The following SPIN1 variants were observed in gnomAD, a reference collection of about 807,000 sequenced individuals.
SPIN1 encodes spindlin 1.
A neutral mutation model predicts 26.0 loss-of-function variants in SPIN1; 3 were observed. The ratio of observed to expected loss-of-function variants is 0.12; its 90% confidence interval spans 0.05 to 0.30. The LOEUF (loss-of-function observed/expected upper bound fraction) is 0.30, where lower values mean the gene tolerates loss of function less well. Among genes scored for constraint, SPIN1 ranks in the 10% least tolerant of loss-of-function variants. The pLI, the probability that SPIN1 is intolerant of heterozygous loss-of-function variation, is 1.00. For missense variants in SPIN1, 126 were observed against 333.4 expected (o/e 0.38, Z 4.84); for synonymous variants, 101 against 116.5 (o/e 0.87, Z 0.86).
chr9:88,453,243 G>C (rs1239421762), intron 3 of SPIN1, among the ~76,000 whole-genome samples: 2 of 152,006 alleles, frequency 1.3e-5, no homozygotes, highest in Non-Finnish European at 2.9e-5. Flanking sequence ...GAACTTCTTT[G>C]AAGTATTGAG....
chr9:88,407,781 G>A (rs1048385549), intron 1 of SPIN1, among the ~76,000 whole-genome samples: 10 of 136,080 alleles, frequency 7.3e-5, no homozygotes, highest in Admixed American at 5.4e-4. Context: ...TTTTTTTTGA[G>A]ACAGAGTCTT....
At chr9:88,458,761 A>G (rs1324522287) in intron 3 of SPIN1, among the ~76,000 whole-genome samples, 4 of 152,176 alleles carry the variant, frequency 2.6e-5, no homozygotes, top group African/African-American at 7.2e-5. Context: ...TTCAAAATCT[A>G]TAGGGTAGGC....
chr9:88,440,513 C>T (rs1828097799), intron 2 of SPIN1, among the ~76,000 whole-genome samples: 1 of 152,082 alleles, frequency 6.6e-6, no homozygotes, highest in East Asian at 1.9e-4. Flanking sequence ...TATATATTTA[C>T]AAGTAATCCA....
At chr9:88,458,687 A>G (rs940407877) in intron 3 of SPIN1, among the ~76,000 whole-genome samples, 33 of 152,318 alleles carry the variant, frequency 2.2e-4, no homozygotes, top group African/African-American at 7.0e-4. Flanking sequence ...AGAAAAACAC[A>G]TGAGGAGGGA....
intron 1 of SPIN1, among the ~76,000 whole-genome samples, chr9:88,395,414 C>T (rs879372384): frequency 4.6e-5 from 7 of 152,022 alleles, no homozygotes; most frequent in East Asian, 1.9e-4. Flanking sequence ...CATTGAAGTG[C>T]GTGCTTGCAA....
At chr9:88,427,037 G>C (rs1178428647) in intron 2 of SPIN1, among the ~76,000 whole-genome samples, 1 of 152,094 alleles carries the variant, frequency 6.6e-6, no homozygotes, top group Non-Finnish European at 1.5e-5. Context: ...TCTTATTTTT[G>C]TGGCACATAG....
rs575308356 is a variant in SPIN1 at position 88,429,891 on chromosome 9, T to C, written c.52+3300T>C. ...TTAGCATACAGAAGACACTTACCAC[T>C]CCAGAGTTTCCAAGGGTATTGGAAG... On this transcript the variant is annotated intron_variant, in intron 2 of 5. Coordinates refer to ENST00000375859, the MANE Select transcript of SPIN1 (RefSeq NM_006717.3). Among the ~76,000 whole-genome samples, 23 of 152,162 alleles carry C rather than the reference T, an allele frequency of 1.5e-4. No homozygotes were observed. In the South Asian group the frequency reaches 4.6e-3, roughly 30 times the overall value.
intron 3 of SPIN1, chr9:88,457,962 A>G (rs1291957903): frequency 1.0e-6 from 1 of 985,288 alleles, no homozygotes. Flanking sequence ...AGAATTAGCC[A>G]GGTAAGGTTT....
chr9:88,469,101 G>A (rs1828725621), intron 5 of SPIN1, among the ~76,000 whole-genome samples: 1 of 152,168 alleles, frequency 6.6e-6, no homozygotes, highest in Admixed American at 6.5e-5. Flanking sequence ...ATGGAAGACA[G>A]TTTTCTGTGG....
intron 2 of SPIN1, among the ~76,000 whole-genome samples, chr9:88,446,492 C>T (rs1477414602): frequency 6.0e-5 from 9 of 151,254 alleles, no homozygotes; most frequent in East Asian, 1.9e-4. Flanking sequence ...CTGCAACCTC[C>T]GCCTCCTGGG....
At chr9:88,456,034 A>T (rs982555106) in intron 3 of SPIN1, among the ~76,000 whole-genome samples, 3 of 152,128 alleles carry the variant, frequency 2.0e-5, no homozygotes. Flanking sequence ...AATGGGGCCT[A>T]TTGTTAAACA....
intron 3 of SPIN1, among the ~76,000 whole-genome samples, chr9:88,458,236 CAG>C (rs1408820511): frequency 6.6e-6 from 1 of 152,160 alleles, no homozygotes; most frequent in Non-Finnish European, 1.5e-5. Flanking sequence ...GAAATGAAAA[CAG>C]AAGACAGGTA....
intron 1 of SPIN1, among the ~76,000 whole-genome samples, chr9:88,413,208 A>T (rs1162916360): frequency 6.6e-6 from 1 of 150,724 alleles, no homozygotes; most frequent in Non-Finnish European, 1.5e-5. Flanking sequence ...CTCGCACTAC[A>T]GGTGCGTGCC....
At position 88,414,972 on chromosome 9, in the gene SPIN1, C is replaced by T. The variant is rs371034668; in HGVS notation, c.-158-11410C>T. On this transcript the variant is annotated intron_variant, in intron 1 of 5. Coordinates refer to ENST00000375859, the MANE Select transcript of SPIN1 (RefSeq NM_006717.3). ...ATGGTGGAGTGCAGTGGCATGATCT[C>T]GGCTCACTGCAACCTCCACCTCCTG... Among the ~76,000 whole-genome samples the T allele has an allele frequency of 1.4e-3, 206 of 152,136 alleles. 1 individual carries two copies. Among genetic ancestry groups the T allele is most frequent in the African/African-American group, 4.7e-3 (194 of 41,502 alleles).
intron 1 of SPIN1, chr9:88,411,581 T>C (rs1057028236): frequency 1.9e-5 from 11 of 583,930 alleles, no homozygotes; most frequent in Non-Finnish European, 3.0e-5. Context: ...TGGCATGATC[T>C]TGGCTTACTA....
intron 1 of SPIN1, among the ~76,000 whole-genome samples, chr9:88,408,148 A>G (rs1160354291): frequency 1.3e-5 from 2 of 150,222 alleles, no homozygotes; most frequent in South Asian, 2.1e-4. Flanking sequence ...GTGTTTGGTT[A>G]TATATTTCTT....
intron 1 of SPIN1, among the ~76,000 whole-genome samples, chr9:88,401,644 G>C (rs1827189524): frequency 6.6e-6 from 1 of 152,158 alleles, no homozygotes; most frequent in Admixed American, 6.6e-5. Context: ...TATGTGTTTG[G>C]TACAGATGAA....
At chr9:88,458,081 A>T (rs1481762497) in intron 3 of SPIN1, 2 of 760,404 alleles carry the variant, frequency 2.6e-6, no homozygotes, top group African/African-American at 3.8e-5. Context: ...TAGAAAAATG[A>T]AAGTTTAGGT....
At chr9:88,395,548 TGTG>T (rs1430773460) in intron 1 of SPIN1, among the ~76,000 whole-genome samples, 1 of 152,102 alleles carries the variant, frequency 6.6e-6, no homozygotes, top group Non-Finnish European at 1.5e-5. Flanking sequence ...TTAAGATAGA[TGTG>T]GGGTGAAAGG....
Sources: gnomAD v4.1 joint callset for allele counts (sites outside exome capture counted in the v4.1 genomes callset) on GRCh38, gnomAD v4.1.1 for gene constraint, MANE v1.5 for transcripts, NCBI Gene and HGNC (gene_info 2026-07-23, HGNC 2026-07-21) for gene names.